The following CFAP46 variants were observed in gnomAD, a reference collection of about 807,000 sequenced individuals.
CFAP46 encodes cilia- and flagella-associated protein 46.
A neutral mutation model predicts 325.7 loss-of-function variants in CFAP46; 245 were observed. That is an observed-to-expected ratio of 0.75 (90% CI 0.68 to 0.84). The LOEUF (loss-of-function observed/expected upper bound fraction) is 0.84. Ranked by LOEUF, CFAP46 falls within the 40% of genes least tolerant of loss-of-function variation. CFAP46 has a pLI of 0.00. For synonymous variants in CFAP46, 1,523 were observed against 1,495.9 expected, an observed-to-expected ratio of 1.02 and a Z score of -0.42; for missense variants, 3,346 against 3,543.0, an observed-to-expected ratio of 0.94 and a Z score of 1.41.
intron 44 of CFAP46, among the ~76,000 whole-genome samples, chr10:132,841,737 G>T (rs117246622): frequency 0.04 from 6,113 of 152,306 alleles, 180 homozygotes; most frequent in Non-Finnish European, 0.062. Flanking sequence ...TTGAGCTGTG[G>T]GTCTATCTGC....
chr10:132,825,822 C>T (rs1848035466), intron 50 of CFAP46, among the ~76,000 whole-genome samples: 2 of 152,186 alleles, frequency 1.3e-5, no homozygotes, highest in African/African-American at 4.8e-5. Context: ...ACAAAACAGG[C>T]TCTTCACAAA....
At chr10:132,857,926 C>T in intron 38 of CFAP46, 138 bp from the exon 39 acceptor site, 1 of 736,616 alleles carries the variant, frequency 1.4e-6, no homozygotes, top group Non-Finnish European at 2.2e-6. Flanking sequence ...TAAAGACATC[C>T]TCGATACGTC....
In CFAP46 at chr10:132,851,197, G is replaced by A; in HGVS notation, c.5683C>T (p.Gln1895Ter). The change falls in exon 40 of 58, where the codon CAG becomes TAG. Residue 1895 changes from glutamine (Q) to a stop codon, truncating the protein, a stop_gained. Transcript: ENST00000368586. LOFTEE classifies it high-confidence loss of function. ...TCCAGGGACCCCTGCTCACTCTGCT[G>A]CCCGTGGGCCTCCTCCCAGATGAAC... ...LQFIWEEAHG[Q>*]QSEQGSLEKL... 6.2e-7 allele frequency: 1 copy of A among 1,614,092 alleles called. No homozygotes were observed. Among genetic ancestry groups the A allele is most frequent in the Non-Finnish European group, 8.5e-7 (1 of 1,180,028 alleles).
Position 132,919,346 on chromosome 10 carries a change from G to A in CFAP46, c.1827C>T (p.Asn609=), listed in dbSNP as rs570434366. Residue 609 remains asparagine, a synonymous_variant, in exon 15 of 58, where the codon AAC becomes AAT. Coordinates refer to ENST00000368586, the MANE Select transcript of CFAP46 (RefSeq NM_001200049.3). The surrounding 1 kb of genome is among the most constrained non-coding windows in gnomAD (Gnocchi z 9.7). ...TASRFCLLYD[N]VKVKKLRLRR... ...GCAGCCTCAACTTCTTCACCTTGAC[G>A]TTGTCATACAGGAGGCAGAAGCGGC... 97 of 1,550,144 alleles carry A rather than the reference G, an allele frequency of 6.3e-5. No individual in the cohort carries two copies. The African/African-American group carries it at 1.1e-3, about 17-fold the overall frequency.
rs1351271406 is a variant in CFAP46 at position 132,887,976 on chromosome 10, C to CTCTCTCTCTCCTCTCCCCTCT, written c.3305-2038_3305-2018dup. On this transcript the variant is annotated intron_variant, in intron 25 of 57. Transcript: ENST00000368586. ...TCTCCGCTCCTCTCTCTCTCCGCTC[C>CTCTCTCTCTCCTCTCCCCTCT]TCTCTCTCTCCTCTCCCCTCTTCTC... is the stretch of plus-strand genomic sequence containing the variant. Among the ~76,000 whole-genome samples, 482 of 89,348 alleles carry CTCTCTCTCTCCTCTCCCCTCT rather than the reference C, an allele frequency of 5.4e-3. 16 individuals are homozygous for CTCTCTCTCTCCTCTCCCCTCT. The highest frequency in any genetic ancestry group is 8.0e-3 in the Non-Finnish European group (367 of 45,846). The allele number at this position is 89,348 out of a possible 152,430, so 58.6% of individuals were successfully genotyped here. A position where few individuals can be genotyped will look rare whatever the true frequency, so the allele number is the denominator to read the frequency against.
At chr10:132,843,059 C>G (rs914270002) in intron 44 of CFAP46, among the ~76,000 whole-genome samples, 1 of 152,222 alleles carries the variant, frequency 6.6e-6, no homozygotes, top group Non-Finnish European at 1.5e-5. Flanking sequence ...TTTCCAATGT[C>G]CCCCTCAGAC....
At chr10:132,922,081 G>T in intron 13 of CFAP46, 23 bp downstream of exon 13, 1 of 1,547,628 alleles carries the variant, frequency 6.5e-7, no homozygotes, top group Non-Finnish European at 8.7e-7. Flanking sequence ...TTCTGGGCTG[G>T]GAGAGCCCAG....
intron 8 of CFAP46, among the ~76,000 whole-genome samples, chr10:132,930,319 G>C (rs564603721): frequency 6.8e-6 from 1 of 147,632 alleles, no homozygotes; most frequent in South Asian, 2.2e-4. Context: ...CCCACACAGA[G>C]CATGGGACTC....
chr10:132,811,609 C>T (rs898290326), intron 55 of CFAP46, among the ~76,000 whole-genome samples: 1 of 152,232 alleles, frequency 6.6e-6, no homozygotes, highest in African/African-American at 2.4e-5. Context: ...TGCCCACTTC[C>T]ACTCGCAGCC....
rs374059384 is a variant in CFAP46, at chr10:132,940,959, C to G, written c.371+37G>C. 4.9e-5 allele frequency: 79 copies of G among 1,599,680 alleles called. No homozygotes were observed. The Middle Eastern group carries it at 5.0e-4, about 10-fold the overall frequency. ...AAGTTCTGGCTCTGAAGTCTTTCACCCAGTCAGTGAGAAACGGCCACTTCA... is the reference window on the plus strand; with the variant it reads ...AAGTTCTGGCTCTGAAGTCTTTCACGCAGTCAGTGAGAAACGGCCACTTCA... On this transcript the variant is annotated intron_variant, in intron 4 of 57. Coordinates refer to ENST00000368586, the MANE Select transcript of CFAP46 (RefSeq NM_001200049.3).
In CFAP46 at chr10:132,817,505, A is replaced by G. The variant is rs1012177706; in HGVS notation, c.7118-2591T>C. ...TTATTTTTATTTGTCCTGGTTTTCT[A>G]CCTGTTTCTCCATGACCAGCTGTTG... On this transcript the variant is annotated intron_variant, in intron 50 of 57. Coordinates refer to ENST00000368586, the MANE Select transcript of CFAP46 (RefSeq NM_001200049.3). The surrounding 1 kb of genome is among the most constrained non-coding windows in gnomAD (Gnocchi z 4.4). 4.8e-4 allele frequency among the ~76,000 whole-genome samples: 73 copies of G among 151,994 alleles called. No homozygotes were observed. The highest frequency in any genetic ancestry group is 1.5e-4 in the Non-Finnish European group (10 of 68,006).
chr10:132,878,215 C>T, intron 29 of CFAP46, 128 bp from the exon 30 acceptor site: 1 of 872,874 alleles, frequency 1.1e-6, no homozygotes, highest in Non-Finnish European at 1.8e-6. Context: ...CTCTGGTGGT[C>T]TTGCGTCCCC....
At chr10:132,942,327 C>A in intron 1 of CFAP46, 109 bp downstream of exon 1, 1 of 1,017,684 alleles carries the variant, frequency 9.8e-7, no homozygotes, top group South Asian at 1.8e-5. Context: ...CTCGAGGGAT[C>A]ACCCATTGGG....
At position 132,934,745 on chromosome 10, in the gene CFAP46, C is replaced by A. The variant is rs1849965489; in HGVS notation, c.866+7G>T. The A allele has an allele frequency of 3.3e-6, 5 of 1,535,802 alleles. No individual in the cohort carries two copies. Among genetic ancestry groups the A allele is most frequent in the Non-Finnish European group, 3.6e-6 (4 of 1,112,078 alleles). On this transcript the variant is annotated splice_region_variant and intron_variant, in intron 8 of 57. Coordinates refer to ENST00000368586, the MANE Select transcript of CFAP46 (RefSeq NM_001200049.3). ...AGATGTGATATTGGAAAAATACAAA[C>A]ACTTACTTTTCTTCACTGATAGAGG...
At chr10:132,859,607 G>A (rs1226927325) in intron 37 of CFAP46, among the ~76,000 whole-genome samples, 1 of 152,172 alleles carries the variant, frequency 6.6e-6, no homozygotes, top group Non-Finnish European at 1.5e-5. Context: ...GCTGCAGCTG[G>A]GGGGCCCAGG....
chr10:132,938,636 C>A lies in CFAP46; in HGVS notation c.489G>T (p.Leu163=). 1 of 1,613,734 alleles carries A rather than the reference C, an allele frequency of 6.2e-7. No homozygotes were observed. The highest frequency in any genetic ancestry group is 8.5e-7 in the Non-Finnish European group (1 of 1,179,990). The change falls in exon 5 of 58, where the codon CTG becomes CTT. Residue 163 remains leucine (L), a synonymous_variant. Coordinates refer to ENST00000368586, the MANE Select transcript of CFAP46 (RefSeq NM_001200049.3). ...CCTTGTCTTCCTCCTCAGTCTGACT[C>A]AGCACGTTTATGATTTGGGAAAGGC... is the stretch of plus-strand genomic sequence containing the variant. The part of the protein sequence containing the change: ...IPSLSQIINV[L]SQTEEEDKEW...
At position 132,808,899 on chromosome 10, in the gene CFAP46, C is replaced by A; in HGVS notation, c.7670G>T (p.Gly2557Val). 4.4e-6 allele frequency: 7 copies of A among 1,584,496 alleles called. No homozygotes were observed. Among genetic ancestry groups the A allele is most frequent in the South Asian group, 1.1e-5 (1 of 88,192 alleles). The change falls in exon 58 of 58, where the codon GGC becomes GTC. Residue 2557 changes from glycine (G) to valine (V), a missense_variant. By Grantham distance (109) the Gly-to-Val change is moderately radical (BLOSUM62 -3). Transcript: ENST00000368586. This position sits in a 1 kb window ranked among gnomAD's most constrained non-coding sequence, Gnocchi z 6.8. ...AGCTTGTCCTTCAAGGTCTGAGAAG[C>A]CTCGTCTGTGGAGAAAGGGGCGGGA... The part of the protein sequence containing the change: ...EWRRGGEPRR[G>V]FSDLEGQAAA...
intron 47 of CFAP46, 51 bp downstream of exon 47, chr10:132,835,253 G>T (rs1257314531): frequency 4.4e-6 from 7 of 1,597,878 alleles, no homozygotes; most frequent in Admixed American, 3.4e-5. Context: ...GCTCCCAGGG[G>T]TGGGGAGCAG....
intron 44 of CFAP46, among the ~76,000 whole-genome samples, chr10:132,842,218 C>A (rs1848357865): frequency 6.6e-6 from 1 of 152,330 alleles, no homozygotes; most frequent in Admixed American, 6.5e-5. Flanking sequence ...CTACCAGATA[C>A]CCTTGTTCAC....
Sources: allele counts gnomAD v4.1 joint callset (sites outside exome capture counted in the v4.1 genomes callset), GRCh38; gene constraint gnomAD v4.1.1; non-coding constraint Gnocchi (gnomAD v3.1); transcripts MANE v1.5; gene names NCBI Gene and HGNC (gene_info 2026-07-23, HGNC 2026-07-21).